Variants in ZMIZ1 observed in about 807,000 individuals in gnomAD.
The protein encoded by ZMIZ1 is zinc finger MIZ-type containing 1.
ZMIZ1 carries 17 observed loss-of-function variants against 113.9 expected under a neutral mutation model. The ratio of observed to expected loss-of-function variants is 0.15; its 90% CI spans 0.10 to 0.22. The LOEUF (loss-of-function observed/expected upper bound fraction) is 0.22, where lower values mean the gene tolerates loss of function less well. ZMIZ1 is among the 10% of genes least tolerant of loss of function. ZMIZ1 has a pLI of 1.00. For synonymous variants in ZMIZ1, 607 were observed against 603.1 expected (o/e 1.01, Z -0.09); for missense variants, 1,059 against 1,477.8 (o/e 0.72, Z 4.65).
intron 4 of ZMIZ1, among the ~76,000 whole-genome samples, chr10:79,189,669 C>T (rs1847514996): frequency 6.6e-6 from 1 of 152,234 alleles, no homozygotes; most frequent in Non-Finnish European, 1.5e-5. Context: ...TGGGGTGAAA[C>T]ATGGGTCAAC....
chr10:79,096,461 G>A (rs993990176), intron 1 of ZMIZ1, among the ~76,000 whole-genome samples: 12 of 152,114 alleles, frequency 7.9e-5, no homozygotes, highest in Admixed American at 6.5e-5. Context: ...GCAGTGAGCC[G>A]AGATTGCGCC....
chr10:79,127,346 C>T (rs1390664413), intron 2 of ZMIZ1, among the ~76,000 whole-genome samples: 2 of 152,176 alleles, frequency 1.3e-5, no homozygotes, highest in Admixed American at 1.3e-4. Context: ...AGAGCGCCAG[C>T]CATGGGCTCC....
chr10:79,208,059 G>C (rs2132679872), intron 5 of ZMIZ1, among the ~76,000 whole-genome samples: 1 of 148,956 alleles, frequency 6.7e-6, no homozygotes, highest in African/African-American at 2.5e-5. Context: ...GGGGGTAGAG[G>C]TGGAGGTGAG....
chr10:79,147,613 TCTTC>T (rs1390626066), intron 3 of ZMIZ1, among the ~76,000 whole-genome samples: 3 of 152,214 alleles, frequency 2.0e-5, no homozygotes, highest in African/African-American at 7.2e-5. Context: ...TGACATATTT[TCTTC>T]CCATTGGATG....
chr10:79,235,817 G>A (rs1241080006), intron 7 of ZMIZ1, among the ~76,000 whole-genome samples: 1 of 152,174 alleles, frequency 6.6e-6, no homozygotes, highest in Non-Finnish European at 1.5e-5. Context: ...CTAGCACTTT[G>A]CAGTTTGCAG....
intron 8 of ZMIZ1, among the ~76,000 whole-genome samples, chr10:79,278,532 C>G (rs2131978873): frequency 6.6e-6 from 1 of 151,936 alleles, no homozygotes; most frequent in South Asian, 2.1e-4. Context: ...GGAAGGTCAG[C>G]AGATAAACAC....
At chr10:79,155,295 G>T (rs544179815) in intron 3 of ZMIZ1, among the ~76,000 whole-genome samples, 22 of 152,330 alleles carry the variant, frequency 1.4e-4, no homozygotes, top group African/African-American at 5.3e-4. Context: ...GGAGGTGTTG[G>T]CTGGGGCAGT....
intron 1 of ZMIZ1, among the ~76,000 whole-genome samples, chr10:79,071,283 G>A (rs1842275681): frequency 6.6e-6 from 1 of 152,252 alleles, no homozygotes; most frequent in Non-Finnish European, 1.5e-5. Context: ...AGACCAGAGG[G>A]TTAACCAGTG....
chr10:79,307,817 C>G (rs1215117030), intron 23 of ZMIZ1, among the ~76,000 whole-genome samples: 1 of 152,000 alleles, frequency 6.6e-6, no homozygotes, highest in African/African-American at 2.4e-5. Context: ...TCCCCAAACC[C>G]TCACCACCCC....
intron 3 of ZMIZ1, among the ~76,000 whole-genome samples, chr10:79,157,368 G>GGTGTGT (rs10573955): frequency 0.042 from 6,261 of 147,636 alleles, 151 homozygotes; most frequent in Middle Eastern, 0.071. Flanking sequence ...AGGCATAAGG[G>GGTGTGT]GTGTGTGTGT....
chr10:79,240,632 A>G (rs1262553212), intron 7 of ZMIZ1, among the ~76,000 whole-genome samples: 2 of 86,468 alleles, frequency 2.3e-5, no homozygotes, highest in East Asian at 1.1e-3. Context: ...AGTGAAGAGT[A>G]TTTATCTTTT....
chr10:79,177,580 G>A (rs1008851249), intron 4 of ZMIZ1, among the ~76,000 whole-genome samples: 2 of 152,200 alleles, frequency 1.3e-5, no homozygotes, highest in South Asian at 2.1e-4. Context: ...AGGCAGACCC[G>A]GACCCTGCCT....
intron 7 of ZMIZ1, among the ~76,000 whole-genome samples, chr10:79,273,233 G>C (rs931378723): frequency 6.6e-6 from 1 of 152,204 alleles, no homozygotes; most frequent in Non-Finnish European, 1.5e-5. Flanking sequence ...CTTGGCTGAC[G>C]GGGGGTGGTC....
chr10:79,224,181 T>C (rs1029455161), intron 7 of ZMIZ1, among the ~76,000 whole-genome samples: 2 of 152,136 alleles, frequency 1.3e-5, no homozygotes, highest in African/African-American at 2.4e-5. Flanking sequence ...AAAACGTACA[T>C]GTATTTAGGC....
chr10:79,218,603 G>GTC (rs1554818335), intron 7 of ZMIZ1, among the ~76,000 whole-genome samples: 14 of 151,730 alleles, frequency 9.2e-5, no homozygotes, highest in East Asian at 3.9e-4. Context: ...GTGTGTGTGT[G>GTC]TGTCTGTCTG....
At chr10:79,211,838 T>TAGGG (rs1411845495) in intron 6 of ZMIZ1, among the ~76,000 whole-genome samples, 1 of 152,142 alleles carries the variant, frequency 6.6e-6, no homozygotes, top group East Asian at 1.9e-4. Context: ...CCCGTGGGCT[T>TAGGG]AGGGAACGGC....
intron 2 of ZMIZ1, among the ~76,000 whole-genome samples, chr10:79,135,912 T>C (rs1172133504): frequency 6.8e-6 from 1 of 147,226 alleles, no homozygotes; most frequent in Non-Finnish European, 1.5e-5. Flanking sequence ...CGCCGCTGTG[T>C]CTGTGCCGCC....
At chr10:79,237,607 T>C (rs986352557) in intron 7 of ZMIZ1, among the ~76,000 whole-genome samples, 4 of 152,196 alleles carry the variant, frequency 2.6e-5, no homozygotes, top group African/African-American at 7.2e-5. Context: ...TGTCCCTGCA[T>C]GCATGTCTCT....
chr10:79,277,043 G>A, intron 7 of ZMIZ1, 138 bp from the exon 8 acceptor site: 1 of 1,118,984 alleles, frequency 8.9e-7, no homozygotes, highest in Non-Finnish European at 1.2e-6. Context: ...AGAGGGCTGA[G>A]TAAGTCTTCT....
Sources: allele counts gnomAD v4.1 joint callset (sites outside exome capture counted in the v4.1 genomes callset), GRCh38; gene constraint gnomAD v4.1.1; transcripts MANE v1.5; gene names NCBI Gene and HGNC (gene_info 2026-07-23, HGNC 2026-07-21).